DLC1: variants seen among roughly 807,000 people sequenced by gnomAD.
DLC1 encodes the protein rho GTPase-activating protein 7.
In DLC1, 54 loss-of-function variants were observed where a neutral mutation model predicts 140.3. The ratio of observed to expected loss-of-function variants is 0.38; its 90% confidence interval spans 0.31 to 0.48. The LOEUF is 0.48. Among genes scored for constraint, DLC1 ranks in the 20% least tolerant of loss-of-function variants. DLC1 has a pLI of 0.96. For synonymous variants in DLC1, 986 were observed against 728.1 expected (o/e 1.35, Z -5.70); for missense variants, 2,536 against 1,907.0 (o/e 1.33, Z -6.14).
intron 4 of DLC1, among the ~76,000 whole-genome samples, chr8:13,333,664 T>C (rs1402547992): frequency 1.3e-5 from 2 of 152,186 alleles, no homozygotes; most frequent in Non-Finnish European, 2.9e-5. Flanking sequence ...ACCCGCCCCC[T>C]TATTTAAAAT....
chr8:13,566,447 A>T (rs1007399488), intron 1 of DLC1, among the ~76,000 whole-genome samples: 4 of 143,516 alleles, frequency 2.8e-5, no homozygotes, highest in Non-Finnish European at 6.0e-5. Flanking sequence ...CTGTATTTTG[A>T]CTTTTCCCCA....
chr8:13,276,500 G>T, intron 5 of DLC1: 1 of 1,313,276 alleles, frequency 7.6e-7, no homozygotes, highest in Non-Finnish European at 9.6e-7. Context: ...CCTGCCTTCA[G>T]GAGGCCGGCA....
intron 4 of DLC1, among the ~76,000 whole-genome samples, chr8:13,383,330 T>G (rs113201296): frequency 0.013 from 2,049 of 152,276 alleles, 68 homozygotes; most frequent in African/African-American, 0.045. Flanking sequence ...TTATTCCATA[T>G]CTGCCATACC....
At chr8:13,150,428 G>C (rs6986095) in intron 5 of DLC1, among the ~76,000 whole-genome samples, 121,920 of 151,814 alleles carry the variant, frequency 0.8, 49,314 homozygotes, top group East Asian at 0.91. Flanking sequence ...CGCCAATACT[G>C]TAATTACTCA....
At chr8:13,191,645 C>T (rs78626984) in intron 5 of DLC1, among the ~76,000 whole-genome samples, 2 of 152,110 alleles carry the variant, frequency 1.3e-5, no homozygotes, top group African/African-American at 4.8e-5. Context: ...TGATGAATCA[C>T]AATGTTAAAT....
intron 1 of DLC1, among the ~76,000 whole-genome samples, chr8:13,552,768 T>C (rs1360047607): frequency 6.6e-6 from 1 of 151,928 alleles, no homozygotes; most frequent in African/African-American, 2.4e-5. Flanking sequence ...CTTTGTATTT[T>C]TTTATTTTTT....
intron 5 of DLC1, among the ~76,000 whole-genome samples, chr8:13,266,679 A>AAG (rs747554741): frequency 2.0e-5 from 3 of 152,176 alleles, no homozygotes; most frequent in Non-Finnish European, 2.9e-5. Context: ...TGGAAGGCAG[A>AAG]AGTTGCTGTG....
chr8:13,378,028 T>C (rs964013074), intron 4 of DLC1, among the ~76,000 whole-genome samples: 13 of 150,982 alleles, frequency 8.6e-5, no homozygotes, highest in African/African-American at 2.7e-4. Flanking sequence ...GTTAATGATG[T>C]TACTATTTTA....
At chr8:13,139,177 C>G (rs1282789215) in intron 5 of DLC1, among the ~76,000 whole-genome samples, 1 of 149,984 alleles carries the variant, frequency 6.7e-6, no homozygotes, top group Non-Finnish European at 1.5e-5. Context: ...GTGTTCCCAG[C>G]TACTTGGGAG....
At chr8:13,267,729 AGTGTGT>A (rs58701617) in intron 5 of DLC1, among the ~76,000 whole-genome samples, 23,277 of 140,162 alleles carry the variant, frequency 0.17, 2,305 homozygotes, top group African/African-American at 0.3. Flanking sequence ...ATTCCTGAGG[AGTGTGT>A]GTGTGTGTGT....
chr8:13,506,080 C>A (rs1802049796), intron 1 of DLC1, among the ~76,000 whole-genome samples: 1 of 151,662 alleles, frequency 6.6e-6, no homozygotes, highest in Non-Finnish European at 1.5e-5. Flanking sequence ...TAAAGCAGTC[C>A]TTTGAGAATA....
intron 4 of DLC1, among the ~76,000 whole-genome samples, chr8:13,328,964 A>T (rs1833483610): frequency 6.6e-6 from 1 of 152,198 alleles, no homozygotes; most frequent in Admixed American, 6.5e-5. Flanking sequence ...AGATATGGAA[A>T]TGTGAAGGGG....
chr8:13,385,735 G>C (rs1457087508), intron 4 of DLC1, among the ~76,000 whole-genome samples: 1 of 152,112 alleles, frequency 6.6e-6, no homozygotes, highest in African/African-American at 2.4e-5. Flanking sequence ...TAGTCAAGAA[G>C]GCCCTCTGTG....
rs571810103 is a variant in DLC1, at chr8:13,451,660, C to T, written c.1023+47389G>A. On this transcript the variant is annotated intron_variant, in intron 2 of 17. Transcript: ENST00000276297. ...TGGCTTATTTCACTTAACATAATAG[C>T]CTCCAGTTCCATCCATGTTGAAAAT... is the stretch of plus-strand genomic sequence containing the variant. 5.9e-5 allele frequency among the ~76,000 whole-genome samples: 9 copies of T among 152,208 alleles called. No homozygotes were observed. The South Asian group carries it at 1.9e-3, about 32-fold the overall frequency.
chr8:13,138,233 CT>C (rs1563670872), intron 5 of DLC1, among the ~76,000 whole-genome samples: 1 of 152,158 alleles, frequency 6.6e-6, no homozygotes, highest in Admixed American at 6.5e-5. Context: ...TTCAGGACCC[CT>C]CTGAGAAGAC....
intron 5 of DLC1, among the ~76,000 whole-genome samples, chr8:13,188,974 C>G (rs1408451552): frequency 2.0e-5 from 3 of 149,652 alleles, no homozygotes; most frequent in Non-Finnish European, 4.4e-5. Flanking sequence ...CAGGCATGAG[C>G]TATCACACCC....
At chr8:13,366,103 A>C (rs771660567) in intron 4 of DLC1, among the ~76,000 whole-genome samples, 2 of 152,242 alleles carry the variant, frequency 1.3e-5, no homozygotes, top group Non-Finnish European at 2.9e-5. Flanking sequence ...AGACCACAGA[A>C]TTATAGACTC....
At chr8:13,103,900 G>A (rs1471657066) in intron 7 of DLC1, among the ~76,000 whole-genome samples, 3 of 147,162 alleles carry the variant, frequency 2.0e-5, no homozygotes, top group African/African-American at 7.5e-5. Context: ...TCCTTTCATA[G>A]AAATAGAAAC....
At chr8:13,149,324 G>A (rs940044825) in intron 5 of DLC1, among the ~76,000 whole-genome samples, 43 of 151,974 alleles carry the variant, frequency 2.8e-4, no homozygotes, top group African/African-American at 9.9e-4. Flanking sequence ...ATTTTAAAAC[G>A]GCAACTCTGG....
Sources: gnomAD v4.1 joint callset for allele counts (sites outside exome capture counted in the v4.1 genomes callset) on GRCh38, gnomAD v4.1.1 for gene constraint, MANE v1.5 for transcripts, NCBI Gene and HGNC (gene_info 2026-07-23, HGNC 2026-07-21) for gene names.